NSUN6: variants seen among roughly 807,000 people sequenced by gnomAD.
NSUN6 encodes the protein NOP2/Sun RNA methyltransferase 6.
A neutral mutation model predicts 58.0 loss-of-function variants in NSUN6; 64 were observed. The ratio of observed to expected loss-of-function variants is 1.10; its 90% CI spans 0.90 to 1.36. The LOEUF (loss-of-function observed/expected upper bound fraction) is 1.36, where lower values mean the gene tolerates loss of function less well. Among genes scored for constraint, NSUN6 ranks in the 40% most tolerant of loss-of-function variants. The pLI, the probability that NSUN6 is intolerant of heterozygous loss-of-function variation, is 0.00. For missense variants in NSUN6, 701 were observed against 550.1 expected (o/e 1.27, Z -2.74); for synonymous variants, 231 against 193.9 (o/e 1.19, Z -1.59).
chr10:18,629,302 G>A (rs1033037930), intron 3 of NSUN6, among the ~76,000 whole-genome samples: 2 of 152,116 alleles, frequency 1.3e-5, no homozygotes, highest in Non-Finnish European at 2.9e-5. Context: ...GCAAAATCAT[G>A]CCAAAATGTA....
intron 6 of NSUN6, among the ~76,000 whole-genome samples, chr10:18,599,840 A>G (rs551408158): frequency 1.2e-4 from 19 of 152,336 alleles, no homozygotes; most frequent in African/African-American, 4.3e-4. Context: ...ATAACTTTGA[A>G]AACAGTTGCT....
intron 8 of NSUN6, among the ~76,000 whole-genome samples, chr10:18,566,159 A>G (rs2055918531): frequency 6.9e-6 from 1 of 145,112 alleles, no homozygotes; most frequent in African/African-American, 2.5e-5. Flanking sequence ...TCTCCATTCC[A>G]TTCCATTCTC....
intron 8 of NSUN6, among the ~76,000 whole-genome samples, chr10:18,559,257 G>T (rs142666591): frequency 2.0e-5 from 3 of 150,806 alleles, no homozygotes; most frequent in African/African-American, 7.3e-5. Flanking sequence ...AGAATGTAAC[G>T]GATGGAGAAT....
intron 1 of NSUN6, among the ~76,000 whole-genome samples, chr10:18,649,091 A>G (rs1255555229): frequency 6.6e-6 from 1 of 152,186 alleles, no homozygotes; most frequent in Non-Finnish European, 1.5e-5. Flanking sequence ...CTTTTAAAAT[A>G]CCAATATTTA....
intron 7 of NSUN6, among the ~76,000 whole-genome samples, chr10:18,594,304 C>A (rs549907112): frequency 1.3e-5 from 2 of 151,924 alleles, no homozygotes; most frequent in South Asian, 4.2e-4. Context: ...TATATATTTT[C>A]TTGCTTTGTT....
At chr10:18,603,746 G>C (rs1356761115) in intron 6 of NSUN6, among the ~76,000 whole-genome samples, 1 of 151,954 alleles carries the variant, frequency 6.6e-6, no homozygotes, top group Non-Finnish European at 1.5e-5. Context: ...CAAACTGCTG[G>C]GATTACAGGC....
chr10:18,591,779 C>G (rs1049981702), intron 7 of NSUN6, among the ~76,000 whole-genome samples: 4 of 152,272 alleles, frequency 2.6e-5, no homozygotes, highest in Admixed American at 2.6e-4. Flanking sequence ...TGGGCAAAAG[C>G]TGGAAGCATT....
intron 10 of NSUN6, among the ~76,000 whole-genome samples, chr10:18,547,562 C>G (rs966004971): frequency 1.3e-5 from 2 of 152,050 alleles, no homozygotes; most frequent in African/African-American, 4.8e-5. Context: ...AAAATTGAAT[C>G]AAAAATACAT....
chr10:18,615,033 C>G (rs895929356), intron 4 of NSUN6, among the ~76,000 whole-genome samples: 10 of 151,210 alleles, frequency 6.6e-5, no homozygotes, highest in African/African-American at 2.2e-4. Context: ...ATCCCATAAC[C>G]CTGTTTGTAT....
chr10:18,642,410 T>TA, intron 3 of NSUN6, 66 bp downstream of exon 3: 1 of 798,536 alleles, frequency 1.3e-6, no homozygotes, highest in Non-Finnish European at 2.2e-6. Context: ...ACTGAACAAT[T>TA]AAAAAGCTCC....
intron 1 of NSUN6, 98 bp from the exon 2 acceptor site, chr10:18,648,743 T>C: frequency 1.5e-6 from 1 of 675,770 alleles, no homozygotes; most frequent in South Asian, 1.9e-5. Context: ...CGCTTAGCAA[T>C]TGTTCAGCTC....
At chr10:18,651,642 T>A (rs142885354), upstream of NSUN6, 2,357 of 986,100 alleles carry the variant, frequency 2.4e-3, 37 homozygotes, top group African/African-American at 0.036. Context: ...CCGGCTTACG[T>A]CACGTCCGGC....
At chr10:18,625,171 A>G (rs1458653565) in intron 3 of NSUN6, among the ~76,000 whole-genome samples, 1 of 152,022 alleles carries the variant, frequency 6.6e-6, no homozygotes, top group African/African-American at 2.4e-5. Flanking sequence ...TTGCTTCTGT[A>G]TGCTTTCATG....
At chr10:18,572,529 TATTCCATTCCATTTTCC>T (rs1312948602) in intron 8 of NSUN6, among the ~76,000 whole-genome samples, 3 of 140,324 alleles carry the variant, frequency 2.1e-5, no homozygotes, top group Admixed American at 7.5e-5. Context: ...CTCCATTCCC[TATTCCATTCCATTTTCC>T]ATTCCATTCC....
rs779555458 is a variant in NSUN6 at position 18,545,971 on chromosome 10, A to C, written c.1372T>G (p.Phe458Val). 1.3e-6 allele frequency: 2 copies of C among 1,584,580 alleles called. No homozygotes were observed. The highest frequency in any genetic ancestry group is 2.3e-5 in the South Asian group (2 of 85,448). Residue 458 changes from phenylalanine (F) to valine (V), a missense_variant, in exon 11 of 11, where the codon TTT (phenylalanine) becomes GTT (valine). Transcript: ENST00000377304. ...LRLANKDSIG[F>V]FIAKFVKCKS... ...CATTTTACAAATTTTGCAATAAAAA[A>C]ACCTATAGAGTCCTTATTAGCCAGA...
intron 3 of NSUN6, among the ~76,000 whole-genome samples, chr10:18,639,055 G>A (rs778305443): frequency 8.0e-5 from 12 of 150,868 alleles, no homozygotes; most frequent in Non-Finnish European, 1.0e-4. Context: ...AGGAGTTTGA[G>A]ACCAGCTTGG....
chr10:18,617,356 T>C (rs1318784530), intron 3 of NSUN6, among the ~76,000 whole-genome samples: 1 of 151,954 alleles, frequency 6.6e-6, no homozygotes, highest in East Asian at 1.9e-4. Context: ...CCTGGCTAAC[T>C]TGTGTATTTT....
chr10:18,605,814 C>A (rs941915563), intron 6 of NSUN6, among the ~76,000 whole-genome samples: 4 of 152,140 alleles, frequency 2.6e-5, no homozygotes, highest in African/African-American at 7.2e-5. Context: ...AGGATTCTAG[C>A]AAGTTTTCTT....
At position 18,648,487 on chromosome 10, in the gene NSUN6, A is replaced by C. The variant is rs770637611; in HGVS notation, c.231+3T>G. ...GTACAAATGACAGAAAATTTCCACAAACCTTCTGAAGTTCATCAAGTAACA... is the reference window on the plus strand; with the variant it reads ...GTACAAATGACAGAAAATTTCCACACACCTTCTGAAGTTCATCAAGTAACA... On this transcript the variant is annotated splice_donor_region_variant and intron_variant, in intron 2 of 10. Transcript: ENST00000377304. The C allele has an allele frequency of 6.3e-7, 1 of 1,585,260 alleles. No individual in the cohort carries two copies. The highest frequency in any genetic ancestry group is 1.4e-5 in the African/African-American group (1 of 74,032).
Sources: allele counts gnomAD v4.1 joint callset (sites outside exome capture counted in the v4.1 genomes callset), GRCh38; gene constraint gnomAD v4.1.1; transcripts MANE v1.5; gene names NCBI Gene and HGNC (gene_info 2026-07-23, HGNC 2026-07-21).